The following ARID2 variants were observed in gnomAD, a reference collection of about 807,000 sequenced individuals.
ARID2 encodes AT-rich interaction domain 2.
ARID2 carries 32 observed loss-of-function variants against 184.6 expected under a neutral mutation model. The ratio of observed to expected loss-of-function variants is 0.17; its 90% CI spans 0.13 to 0.23. ARID2 has a LOEUF of 0.23. Ranked by LOEUF, ARID2 falls within the 10% of genes least tolerant of loss-of-function variation. ARID2 has a pLI of 1.00. For missense variants in ARID2, 1,696 were observed against 2,197.6 expected, an observed-to-expected ratio of 0.77 and a Z score of 4.56; for synonymous variants, 836 against 772.6, an observed-to-expected ratio of 1.08 and a Z score of -1.36.
intron 3 of ARID2, among the ~76,000 whole-genome samples, chr12:45,810,709 T>C (rs1942691284): frequency 6.6e-6 from 1 of 152,186 alleles, no homozygotes; most frequent in Non-Finnish European, 1.5e-5. Flanking sequence ...GAACCTGTTG[T>C]TATTGCTGAT....
rs1944531560 is a variant in ARID2, at chr12:45,906,380, G to A, written c.*1302G>A. 2 of 232,884 alleles carry A rather than the reference G, an allele frequency of 8.6e-6. No individual in the cohort carries two copies. The highest frequency in any genetic ancestry group is 4.4e-5 in the African/African-American group (2 of 45,232). The allele number at this position is 232,884 out of a possible 1,614,324, so 14.4% of individuals were successfully genotyped here. On this transcript the variant is annotated 3_prime_UTR_variant, in exon 21 of 21. Transcript: ENST00000334344. ...ATCCATTTATAACTGCCTATTGCCTGTTCTATTAGCATCCAAAAATGTGGA... is the reference window on the plus strand; with the variant it reads ...ATCCATTTATAACTGCCTATTGCCTATTCTATTAGCATCCAAAAATGTGGA...
chr12:45,748,855 G>C (rs563668165), intron 3 of ARID2, among the ~76,000 whole-genome samples: 8 of 151,882 alleles, frequency 5.3e-5, no homozygotes, highest in South Asian at 4.2e-4. Context: ...TTTATCATGA[G>C]ATTGCAGCAG....
At chr12:45,752,817 A>T (rs1267550650) in intron 3 of ARID2, among the ~76,000 whole-genome samples, 1 of 152,256 alleles carries the variant, frequency 6.6e-6, no homozygotes, top group Non-Finnish European at 1.5e-5. Flanking sequence ...TTCTTAAGCA[A>T]ACATAACAGA....
In ARID2 at chr12:45,851,857, A is replaced by G. The variant is rs772560485; in HGVS notation, c.3734A>G (p.Gln1245Arg). ...TTCAAAGGTGATAAAATAATTTGCCAAAAGGAGGAGGAAGCAAAGGAAGCA... is the reference window on the plus strand; with the variant it reads ...TTCAAAGGTGATAAAATAATTTGCCGAAAGGAGGAGGAAGCAAAGGAAGCA... ...PPFKGDKIIC[Q>R]KEEEAKEATG... Residue 1245 changes from glutamine to arginine, a missense_variant, in exon 15 of 21, where the codon CAA becomes CGA. Physicochemically the swap from Gln to Arg is conservative, Grantham distance 43. Around this residue, in one of 11 missense-constraint regions of ARID2, gnomAD observed 428 missense variants for 409.1 expected, o/e 1.05. Coordinates refer to ENST00000334344, the MANE Select transcript of ARID2 (RefSeq NM_152641.4). 1 of 1,614,188 alleles carries G rather than the reference A, an allele frequency of 6.2e-7. No homozygotes were observed. Among genetic ancestry groups the G allele is most frequent in the East Asian group, 2.2e-5 (1 of 44,880 alleles).
intron 2 of ARID2, 22 bp from the exon 3 acceptor site, chr12:45,731,195 A>G (rs1940988875): frequency 1.3e-6 from 2 of 1,540,394 alleles, no homozygotes; most frequent in Non-Finnish European, 9.0e-7. Flanking sequence ...ACGTTCAGAC[A>G]ACTGTGCCTG....
At chr12:45,756,468 A>G (rs972682784) in intron 3 of ARID2, among the ~76,000 whole-genome samples, 3 of 152,230 alleles carry the variant, frequency 2.0e-5, no homozygotes, top group Non-Finnish European at 4.4e-5. Flanking sequence ...TTAAATAGCT[A>G]TCACAAAGGT....
intron 16 of ARID2, among the ~76,000 whole-genome samples, chr12:45,890,032 A>G (rs1482911814): frequency 6.6e-6 from 1 of 152,226 alleles, no homozygotes; most frequent in Non-Finnish European, 1.5e-5. Context: ...CTTCATTCAT[A>G]GTTAGATTAG....
At chr12:45,884,093 G>C (rs1592140331) in intron 16 of ARID2, among the ~76,000 whole-genome samples, 1 of 151,932 alleles carries the variant, frequency 6.6e-6, no homozygotes, top group African/African-American at 2.4e-5. Context: ...TTTATGTTTA[G>C]CTTATTAAGA....
chr12:45,822,702 T>C (rs1177482132), intron 6 of ARID2, among the ~76,000 whole-genome samples: 1 of 152,162 alleles, frequency 6.6e-6, no homozygotes, highest in African/African-American at 2.4e-5. Flanking sequence ...CCAGACAAAA[T>C]AGACTAAGTC....
At chr12:45,808,601 G>A (rs1025381279) in intron 3 of ARID2, among the ~76,000 whole-genome samples, 4 of 152,084 alleles carry the variant, frequency 2.6e-5, no homozygotes, top group African/African-American at 9.7e-5. Context: ...TGAGTATATA[G>A]TGTTGTCAGT....
chr12:45,812,997 T>G (rs1473253560), intron 4 of ARID2, among the ~76,000 whole-genome samples: 1 of 152,212 alleles, frequency 6.6e-6, no homozygotes. Flanking sequence ...TTGAGAAAGA[T>G]CATGTGAAAT....
intron 3 of ARID2, among the ~76,000 whole-genome samples, chr12:45,754,706 CTACTA>C (rs1181065308): frequency 6.6e-6 from 1 of 152,208 alleles, no homozygotes; most frequent in Non-Finnish European, 1.5e-5. Flanking sequence ...ATTACAAACA[CTACTA>C]TAACAACTTT....
chr12:45,739,610 C>T (rs1025630985), intron 3 of ARID2, among the ~76,000 whole-genome samples: 3 of 151,628 alleles, frequency 2.0e-5, no homozygotes, highest in Non-Finnish European at 4.4e-5. Context: ...TTTCTGAGTT[C>T]TTACTGTCAT....
intron 16 of ARID2, among the ~76,000 whole-genome samples, chr12:45,870,054 C>T (rs1326671401): frequency 2.0e-5 from 3 of 151,960 alleles, no homozygotes; most frequent in Admixed American, 6.6e-5. Flanking sequence ...GGCGCGATCT[C>T]GGCTCACTGC....
chr12:45,810,814 A>G (rs146468638), intron 3 of ARID2, among the ~76,000 whole-genome samples: 18 of 152,334 alleles, frequency 1.2e-4, no homozygotes, highest in Admixed American at 6.5e-4. Flanking sequence ...AAATAAAGGT[A>G]CTATTCATCT....
chr12:45,780,944 T>C (rs772699335), intron 3 of ARID2, among the ~76,000 whole-genome samples: 8 of 152,064 alleles, frequency 5.3e-5, no homozygotes, highest in Non-Finnish European at 1.0e-4. Flanking sequence ...TGCTTAGCTG[T>C]TAAAATTGGC....
chr12:45,876,427 G>C (rs1422732081), intron 16 of ARID2, among the ~76,000 whole-genome samples: 1 of 152,144 alleles, frequency 6.6e-6, no homozygotes, highest in Non-Finnish European at 1.5e-5. Flanking sequence ...GCACATGCCT[G>C]TAATCCCAGC....
At chr12:45,798,185 A>G (rs1048808965) in intron 3 of ARID2, among the ~76,000 whole-genome samples, 5 of 151,108 alleles carry the variant, frequency 3.3e-5, no homozygotes, top group African/African-American at 1.2e-4. Flanking sequence ...ATCTAAAACA[A>G]TAGTTTATTA....
chr12:45,849,561 TTATG>T lies in ARID2; in HGVS notation c.1716-12_1716-9del, dbSNP rs1307059736. On this transcript the variant is annotated splice_polypyrimidine_tract_variant and intron_variant, in intron 13 of 20. Coordinates refer to ENST00000334344, the MANE Select transcript of ARID2 (RefSeq NM_152641.4). ...TGTGATAGTTATCAAAACTTACTGA[TTATG>T]TATGTACTTTACAGAACGGTCTTTC... 2 of 1,579,568 alleles carry T rather than the reference TTATG, an allele frequency of 1.3e-6. No individual in the cohort carries two copies. Among genetic ancestry groups the T allele is most frequent in the African/African-American group, 1.3e-5 (1 of 74,314 alleles).
Sources: gnomAD v4.1 joint callset for allele counts (sites outside exome capture counted in the v4.1 genomes callset) on GRCh38, gnomAD v4.1.1 for gene constraint, gnomAD v4.1.1 regional missense constraint, MANE v1.5 for transcripts, NCBI Gene and HGNC (gene_info 2026-07-23, HGNC 2026-07-21) for gene names.